HEATR4: variants seen among roughly 807,000 people sequenced by gnomAD.
The protein encoded by HEATR4 is HEAT repeat containing 4, also known as HEAT repeat-containing protein 4.
In HEATR4, 95 loss-of-function variants were observed where a neutral mutation model predicts 108.8. The observed-to-expected ratio is 0.87, with a 90% CI of 0.74 to 1.04. The LOEUF is 1.04. Ranked by LOEUF, HEATR4 falls within the 50% of genes least tolerant of loss-of-function variation. The pLI, the probability that HEATR4 is intolerant of heterozygous loss-of-function variation, is 0.00. For missense variants in HEATR4, 1,152 were observed against 1,253.8 expected (o/e 0.92, Z 1.23); for synonymous variants, 443 against 459.4 (o/e 0.96, Z 0.46).
chr14:73,565,160 TAAAAG>T, the HEATR4 span, among the ~76,000 whole-genome samples: 1 of 152,090 alleles, frequency 6.6e-6, no homozygotes, highest in African/African-American at 2.4e-5. Context: ...AAGGTTTACT[TAAAAG>T]AAATTCCTAG....
intron 17 of HEATR4, chr14:73,491,071 C>G (rs1408439577): frequency 1.3e-6 from 2 of 1,595,396 alleles, no homozygotes; most frequent in African/African-American, 1.4e-5. Context: ...GGCCGAAGCG[C>G]CGGCGCAAGC....
At chr14:73,583,006 A>G in the HEATR4 span, 1 of 151,884 alleles carries the variant, frequency 6.6e-6, no homozygotes, top group Non-Finnish European at 1.5e-5. Context: ...GAAACTGCTG[A>G]TTCCAGCTTC....
At position 73,522,727 on chromosome 14, in the gene HEATR4, G is replaced by T. The variant is rs1888051631; in HGVS notation, c.426C>A (p.Ala142=). ...ATTTCTTCAGCTTCTTTTCGGGATTGGCAGAGCTTTCTGTCTTCACAGCCA... is the reference window on the plus strand; with the variant it reads ...ATTTCTTCAGCTTCTTTTCGGGATTTGCAGAGCTTTCTGTCTTCACAGCCA... ...TSLAVKTESS[A]NPEKKLKKSK... The change falls in exon 3 of 18, where the codon GCC becomes GCA. Residue 142 remains alanine, a synonymous_variant. Coordinates refer to ENST00000553558, the MANE Select transcript of HEATR4 (RefSeq NM_001220484.1). 2 of 1,614,212 alleles carry T rather than the reference G, an allele frequency of 1.2e-6. No homozygotes were observed. The highest frequency in any genetic ancestry group is 1.7e-6 in the Non-Finnish European group (2 of 1,180,042).
the HEATR4 span, among the ~76,000 whole-genome samples, chr14:73,585,199 C>T: frequency 1.3e-5 from 2 of 152,134 alleles, no homozygotes; most frequent in South Asian, 4.1e-4. Flanking sequence ...ACGACCTGGC[C>T]ACCTTGTCTC....
intron 13 of HEATR4, 131 bp downstream of exon 13, chr14:73,498,940 G>A (rs1886256289): frequency 1.3e-6 from 1 of 755,808 alleles, no homozygotes; most frequent in Middle Eastern, 2.4e-4. Flanking sequence ...TTCAGACAAG[G>A]AACTTCTGAA....
intron 16 of HEATR4, among the ~76,000 whole-genome samples, chr14:73,493,773 G>C (rs2140252501): frequency 6.6e-6 from 1 of 152,304 alleles, no homozygotes; most frequent in South Asian, 2.1e-4. Context: ...GGGAGGTGGA[G>C]GTTGCAGTGA....
At chr14:73,480,285 T>C (rs1163873231) in intron 17 of HEATR4, among the ~76,000 whole-genome samples, 1 of 151,882 alleles carries the variant, frequency 6.6e-6, no homozygotes, top group East Asian at 1.9e-4. Flanking sequence ...CTACTAAAAA[T>C]ACAAAAATTA....
intron 10 of HEATR4, 60 bp from the exon 11 acceptor site, chr14:73,503,073 C>T (rs904073026): frequency 1.3e-5 from 18 of 1,346,774 alleles, no homozygotes; most frequent in African/African-American, 2.9e-5. Flanking sequence ...TTGTGCTTGG[C>T]GTTGTGCTGT....
intron 11 of HEATR4, among the ~76,000 whole-genome samples, chr14:73,501,685 T>C (rs1886473932): frequency 6.7e-6 from 1 of 149,804 alleles, no homozygotes; most frequent in African/African-American, 2.5e-5. Flanking sequence ...GGCAGTCCTC[T>C]TGCCTCAGCC....
intron 4 of HEATR4, chr14:73,519,983 C>T (rs191692214): frequency 5.8e-4 from 89 of 152,304 alleles, no homozygotes; most frequent in Non-Finnish European, 3.1e-4. Flanking sequence ...AGCAAGACTC[C>T]GTCTCAATAG....
intron 1 of HEATR4, among the ~76,000 whole-genome samples, chr14:73,546,279 C>CA (rs1889228483): frequency 8.9e-6 from 1 of 112,822 alleles, no homozygotes. Context: ...CCGCACTTGG[C>CA]AAAAAAATGT....
chr14:73,482,159 G>A (rs1170780824), intron 17 of HEATR4, among the ~76,000 whole-genome samples: 3 of 152,170 alleles, frequency 2.0e-5, no homozygotes, highest in Non-Finnish European at 4.4e-5. Context: ...GCCCACGCAG[G>A]CAGATGACTT....
In HEATR4 at chr14:73,522,975, T is replaced by A; in HGVS notation, c.178A>T (p.Lys60Ter). 6.2e-7 allele frequency: 1 copy of A among 1,614,236 alleles called. No individual in the cohort carries two copies. Among genetic ancestry groups the A allele is most frequent in the Non-Finnish European group, 8.5e-7 (1 of 1,180,042 alleles). The change falls in exon 3 of 18, where the codon AAG becomes TAG. Residue 60 changes from lysine (K) to a stop codon, truncating the protein, a stop_gained. Coordinates refer to ENST00000553558, the MANE Select transcript of HEATR4 (RefSeq NM_001220484.1). LOFTEE classifies it high-confidence loss of function. The stretch of plus-strand genomic sequence containing the variant: ...GCAGCCATTTTCAAATATTGGCTCT[T>A]GCGGTGTAGACGGTACTGTGAGCTG... ...FFSSQYRLHR[K>*]SQYLKMAAAN...
the HEATR4 span, among the ~76,000 whole-genome samples, chr14:73,565,318 G>A: frequency 1.3e-5 from 2 of 151,738 alleles, no homozygotes; most frequent in African/African-American, 4.8e-5. Context: ...GACAGTTAAA[G>A]CATAGTTGTT....
intron 7 of HEATR4, among the ~76,000 whole-genome samples, 184 bp downstream of exon 7, chr14:73,511,822 T>A (rs760507798): frequency 1.3e-5 from 2 of 152,218 alleles, no homozygotes; most frequent in Non-Finnish European, 2.9e-5. Flanking sequence ...ATTACTGGAC[T>A]AGAAGTCTGG....
intron 12 of HEATR4, 58 bp from the exon 13 acceptor site, chr14:73,499,198 C>T (rs938094240): frequency 2.0e-6 from 3 of 1,473,222 alleles, no homozygotes; most frequent in Admixed American, 1.7e-5. Context: ...GAACCAGAAA[C>T]AGCTGGGTGC....
rs1886866979 is a variant in HEATR4 at position 73,506,804 on chromosome 14, G to GTTTTTTTTTTGTTTTTTTTT, written c.1882-234_1882-233insAAAAAAAAACAAAAAAAAAA. 1.2e-4 allele frequency among the ~76,000 whole-genome samples: 10 copies of GTTTTTTTTTTGTTTTTTTTT among 80,490 alleles called. 2 individuals carry two copies. The East Asian group carries it at 5.2e-3, about 42-fold the overall frequency. 52.8% of individuals were successfully genotyped at this position (80,490 alleles called of 152,430 possible). A position where few individuals can be genotyped will look rare whatever the true frequency, so the allele number is the denominator to read the frequency against. On this transcript the variant is annotated intron_variant, in intron 9 of 17. Coordinates refer to ENST00000553558, the MANE Select transcript of HEATR4 (RefSeq NM_001220484.1). ...GGACCTTCCTTTCCTGACTTTAACT[G>GTTTTTTTTTTGTTTTTTTTT]TTTTTTTTTTTTTTTTTTTTTCTGA...
At chr14:73,612,468 T>C in the HEATR4 span, 1 of 777,552 alleles carries the variant, frequency 1.3e-6, no homozygotes, top group Non-Finnish European at 1.8e-6. Flanking sequence ...ATGGGAGTAG[T>C]GTTAAGGGCT....
At chr14:73,587,501 G>A in the HEATR4 span, among the ~76,000 whole-genome samples, 8 of 151,832 alleles carry the variant, frequency 5.3e-5, no homozygotes, top group East Asian at 1.9e-4. Context: ...GACTACAGAC[G>A]TGGGCCACCA....
Sources: allele counts gnomAD v4.1 joint callset (sites outside exome capture counted in the v4.1 genomes callset), GRCh38; gene constraint gnomAD v4.1.1; transcripts MANE v1.5; gene names NCBI Gene and HGNC (gene_info 2026-07-23, HGNC 2026-07-21).